Variants in TMC2 observed in about 807,000 individuals in gnomAD.
The protein encoded by TMC2 is transmembrane channel-like protein 2.
In TMC2, 102 loss-of-function variants were observed where a neutral mutation model predicts 105.9. The ratio of observed to expected loss-of-function variants is 0.96; its 90% CI spans 0.82 to 1.14. The LOEUF (loss-of-function observed/expected upper bound fraction) is 1.14. Ranked by LOEUF, TMC2 falls within the 50% of genes most tolerant of loss-of-function variation. TMC2 has a pLI of 0.00. For synonymous variants in TMC2, 402 were observed against 422.8 expected (o/e 0.95, Z 0.60); for missense variants, 1,093 against 1,134.3 (o/e 0.96, Z 0.52).
In TMC2 at chr20:2,609,967, C is replaced by A. The variant is rs139700900; in HGVS notation, c.1414-452C>A. On this transcript the variant is annotated intron_variant, in intron 11 of 19. Coordinates refer to ENST00000358864, the MANE Select transcript of TMC2 (RefSeq NM_080751.3). ...GGTTCAAGCAATTCTCCTGCCTCAGCCTCCCAAGTAGCTGGGATTACAGGT... is the reference window on the plus strand; with the variant it reads ...GGTTCAAGCAATTCTCCTGCCTCAGACTCCCAAGTAGCTGGGATTACAGGT... 5.1e-3 allele frequency among the ~76,000 whole-genome samples: 770 copies of A among 152,288 alleles called. 10 individuals carry two copies. The highest frequency in any genetic ancestry group is 0.017 in the African/African-American group (722 of 41,546).
intron 4 of TMC2, among the ~76,000 whole-genome samples, chr20:2,568,830 G>A (rs1003140791): frequency 6.6e-6 from 1 of 152,234 alleles, no homozygotes; most frequent in South Asian, 2.1e-4. Context: ...TTAGGAGTAG[G>A]ACAGGCAGCC....
intron 4 of TMC2, among the ~76,000 whole-genome samples, chr20:2,569,067 A>T (rs894640607): frequency 6.6e-6 from 1 of 152,112 alleles, no homozygotes; most frequent in Non-Finnish European, 1.5e-5. Context: ...CACTCGCATG[A>T]TTGGGTTTAT....
At chr20:2,640,964 T>C (rs1041965867) in intron 19 of TMC2, among the ~76,000 whole-genome samples, 170 bp from the exon 20 acceptor site, 3 of 152,144 alleles carry the variant, frequency 2.0e-5, no homozygotes, top group African/African-American at 4.8e-5. Context: ...GATGTGTTTA[T>C]GCAAAAGCCA....
In TMC2 at chr20:2,561,925, C is replaced by A. The variant is rs550684815; in HGVS notation, c.469C>A (p.Leu157Met). The A allele has an allele frequency of 5.0e-6, 8 of 1,614,146 alleles. No individual in the cohort carries two copies. The highest frequency in any genetic ancestry group is 6.8e-6 in the Non-Finnish European group (8 of 1,180,050). Residue 157 changes from leucine to methionine, a missense_variant, in exon 4 of 20, where the codon CTG (leucine) becomes ATG (methionine). Transcript: ENST00000358864. The stretch of plus-strand genomic sequence containing the variant: ...GTCCGAGGAGGAACTGGCCCAGATC[C>A]TGGAGCAGGTGGAAGAAAAAAAGAA... Reference protein sequence around the residue: ...SLSEEELAQILEQVEEKKKLI... With the variant: ...SLSEEELAQIMEQVEEKKKLI...
At chr20:2,618,742 G>A (rs189961008) in intron 16 of TMC2, among the ~76,000 whole-genome samples, 20 of 152,320 alleles carry the variant, frequency 1.3e-4, no homozygotes, top group Non-Finnish European at 2.6e-4. Context: ...TGCCAACTCC[G>A]TAAAGAGAGG....
Position 2,616,833 on chromosome 20 carries a change from T to C in TMC2, c.1941-239T>C, listed in dbSNP as rs2086485926. Among the ~76,000 whole-genome samples the C allele has an allele frequency of 6.6e-6, 1 of 152,214 alleles. No individual in the cohort carries two copies. On this transcript the variant is annotated intron_variant, in intron 15 of 19. Coordinates refer to ENST00000358864, the MANE Select transcript of TMC2 (RefSeq NM_080751.3). This position sits in a 1 kb window ranked among gnomAD's most constrained non-coding sequence, Gnocchi z 4.8. ...TAGATGCCTGGGGGCGAGTCAGTGG[T>C]AAAATCTTGGCCAGAGCTTAAGCCA...
chr20:2,617,466 C>A, intron 16 of TMC2, 155 bp downstream of exon 16: 1 of 1,019,826 alleles, frequency 9.8e-7, no homozygotes, highest in Non-Finnish European at 1.4e-6. Flanking sequence ...GGTTTTCTGC[C>A]AGGATGGAAA....
intron 9 of TMC2, 55 bp downstream of exon 9, chr20:2,595,022 C>T: frequency 6.3e-7 from 1 of 1,579,960 alleles, no homozygotes; most frequent in South Asian, 1.2e-5. Context: ...AGCTCACTCC[C>T]CTGGCCACTC....
Position 2,624,490 on chromosome 20 carries a change from T to C in TMC2, c.2306+94T>C. ...GGTCCTTTTCATCTTGCCTTCTTAG[T>C]CTGCACTCCCCAGAAGCAGAATCCA... On this transcript the variant is annotated intron_variant, in intron 17 of 19. Coordinates refer to ENST00000358864, the MANE Select transcript of TMC2 (RefSeq NM_080751.3). 3.4e-5 allele frequency: 48 copies of C among 1,413,800 alleles called. 1 individual carries two copies. In the South Asian group the frequency reaches 6.2e-4, roughly 18 times the overall value. The allele number at this position is 1,413,800 out of a possible 1,614,324, so 87.6% of individuals were successfully genotyped here.
chr20:2,584,778 T>G (rs1305426083), intron 7 of TMC2, among the ~76,000 whole-genome samples: 1 of 151,404 alleles, frequency 6.6e-6, no homozygotes, highest in East Asian at 1.9e-4. Context: ...TTGCTGATTC[T>G]CTCTGAAATG....
chr20:2,612,366 G>C (rs1225390544), intron 13 of TMC2, 26 bp downstream of exon 13: 2 of 1,510,868 alleles, frequency 1.3e-6, no homozygotes, highest in Non-Finnish European at 1.8e-6. Context: ...CTCTAAAAAG[G>C]TGACCCCTGT....
intron 11 of TMC2, among the ~76,000 whole-genome samples, chr20:2,609,219 C>G (rs112126098): frequency 0.012 from 1,870 of 152,244 alleles, 35 homozygotes; most frequent in African/African-American, 0.041. Context: ...CTAACCCACT[C>G]TGGATCAGTG....
chr20:2,544,226 GT>G (rs2085909783), intron 2 of TMC2, among the ~76,000 whole-genome samples: 1 of 151,954 alleles, frequency 6.6e-6, no homozygotes, highest in Admixed American at 6.6e-5. Context: ...AGATTTTCCA[GT>G]TCTTTTTAGT....
chr20:2,575,895 T>C (rs993336056), intron 5 of TMC2, among the ~76,000 whole-genome samples: 7 of 152,250 alleles, frequency 4.6e-5, no homozygotes, highest in African/African-American at 7.2e-5. Context: ...CTTAGCTTCC[T>C]TGTAATCCTT....
At chr20:2,577,513 C>T (rs2086155738) in intron 5 of TMC2, among the ~76,000 whole-genome samples, 1 of 152,204 alleles carries the variant, frequency 6.6e-6, no homozygotes, top group South Asian at 2.1e-4. Context: ...GACCATCTCC[C>T]TCTTCTGACA....
chr20:2,602,923 C>A (rs1354033990), intron 11 of TMC2, among the ~76,000 whole-genome samples: 4 of 152,240 alleles, frequency 2.6e-5, no homozygotes, highest in Admixed American at 6.5e-5. Flanking sequence ...TGTCCTCCAT[C>A]TTTTGAATCC....
At chr20:2,568,151 A>C (rs758774735) in intron 4 of TMC2, among the ~76,000 whole-genome samples, 3 of 152,242 alleles carry the variant, frequency 2.0e-5, no homozygotes, top group Non-Finnish European at 4.4e-5. Context: ...AACAAATCCC[A>C]AGCAGGATAA....
Position 2,558,846 on chromosome 20 carries a change from C to A in TMC2, c.401+72C>A, listed in dbSNP as rs968003217. On this transcript the variant is annotated intron_variant, in intron 3 of 19. Coordinates refer to ENST00000358864, the MANE Select transcript of TMC2 (RefSeq NM_080751.3). The surrounding 1 kb of genome is among the most constrained non-coding windows in gnomAD (Gnocchi z 4.6). Reference sequence around the variant, plus strand: ...TCCTTCGCGGCCCTTCCCCTTCCCCCGTGAGGGACTGATGCCCCCCTCCCC... The same window carrying A: ...TCCTTCGCGGCCCTTCCCCTTCCCCAGTGAGGGACTGATGCCCCCCTCCCC... 4 of 1,420,760 alleles carry A rather than the reference C, an allele frequency of 2.8e-6. No homozygotes were observed. Among genetic ancestry groups the A allele is most frequent in the South Asian group, 3.0e-5 (2 of 67,720 alleles). The allele number at this position is 1,420,760 out of a possible 1,614,324, so 88.0% of individuals were successfully genotyped here. A position where few individuals can be genotyped will look rare whatever the true frequency, so the allele number is the denominator to read the frequency against.
chr20:2,596,693 A>C (rs1568518449), intron 9 of TMC2, among the ~76,000 whole-genome samples: 1 of 146,788 alleles, frequency 6.8e-6, no homozygotes, highest in Non-Finnish European at 1.5e-5. Flanking sequence ...TGTGTTTTGC[A>C]TTTTATATCA....
Sources: allele counts gnomAD v4.1 joint callset (sites outside exome capture counted in the v4.1 genomes callset), GRCh38; gene constraint gnomAD v4.1.1; non-coding constraint Gnocchi (gnomAD v3.1); transcripts MANE v1.5; gene names NCBI Gene and HGNC (gene_info 2026-07-23, HGNC 2026-07-21).